The following NDUFAF1 variants were observed in gnomAD, a reference collection of about 807,000 sequenced individuals.
NDUFAF1 encodes the protein NADH:ubiquinone oxidoreductase complex assembly factor 1.
Under a neutral mutation model 28.7 loss-of-function variants are expected in NDUFAF1, and 18 were observed. The observed-to-expected ratio is 0.63, with a 90% CI of 0.43 to 0.93. The LOEUF is 0.93. Among genes scored for constraint, NDUFAF1 ranks in the 40% least tolerant of loss-of-function variants. The pLI, the probability that NDUFAF1 is intolerant of heterozygous loss-of-function variation, is 0.00. For synonymous variants in NDUFAF1, 113 were observed against 139.7 expected, an observed-to-expected ratio of 0.81 and a Z score of 1.35; for missense variants, 404 against 398.3, an observed-to-expected ratio of 1.01 and a Z score of -0.12.
chr15:41,392,645 T>C (rs1408891436), intron 3 of NDUFAF1, among the ~76,000 whole-genome samples: 1 of 152,120 alleles, frequency 6.6e-6, no homozygotes, highest in Non-Finnish European at 1.5e-5. Flanking sequence ...TGTGTTTACT[T>C]CCCCTTCTGC....
At chr15:41,394,274 T>C (rs886415470) in intron 3 of NDUFAF1, 3 of 892,366 alleles carry the variant, frequency 3.4e-6, no homozygotes, top group Non-Finnish European at 4.8e-6. Flanking sequence ...CCTCAAGTGA[T>C]CCGTCCGCCT....
At position 41,396,873 on chromosome 15, in the gene NDUFAF1, G is replaced by C; in HGVS notation, c.187C>G (p.His63Asp). The C allele has an allele frequency of 6.2e-6, 10 of 1,614,130 alleles. No homozygotes were observed. Among genetic ancestry groups the C allele is most frequent in the Non-Finnish European group, 8.5e-6 (10 of 1,180,032 alleles). ...ATATCCAAAGCAACTTCTTTCTGGT[G>C]ATCTCCTTGCAAATCCCCTTCAGTC... ...RKTEGDLQGD[H>D]QKEVALDITS... The change falls in exon 2 of 5, where the codon CAC (histidine) becomes GAC (aspartate). Residue 63 changes from histidine (H) to aspartate (D), a missense_variant. By Grantham distance (81) the His-to-Asp change is moderately conservative (BLOSUM62 -1). Transcript: ENST00000260361.
chr15:41,395,674 T>A (rs1298763676), intron 2 of NDUFAF1, among the ~76,000 whole-genome samples: 1 of 144,472 alleles, frequency 6.9e-6, no homozygotes, highest in Non-Finnish European at 1.5e-5. Context: ...CCGGCCTTTT[T>A]TTTTTTTTTT....
At chr15:41,388,342 G>T in intron 4 of NDUFAF1, 106 bp downstream of exon 4, 2 of 922,548 alleles carry the variant, frequency 2.2e-6, no homozygotes, top group Non-Finnish European at 3.5e-6. Context: ...GTGGCCCTGA[G>T]AAGAAATATT....
chr15:41,393,798 C>G (rs1478670918), intron 3 of NDUFAF1, among the ~76,000 whole-genome samples: 1 of 151,810 alleles, frequency 6.6e-6, no homozygotes, highest in Admixed American at 6.6e-5. Flanking sequence ...GTCTCGATCT[C>G]TTGACCTCGT....
intron 1 of NDUFAF1, 88 bp downstream of exon 1, chr15:41,402,054 CAA>C (rs1331225326): frequency 3.2e-6 from 1 of 313,042 alleles, no homozygotes; most frequent in Admixed American, 3.3e-5. Context: ...ATTAACTGGA[CAA>C]TACCGCCCTG....
intron 2 of NDUFAF1, 101 bp downstream of exon 2, chr15:41,396,386 G>A: frequency 4.4e-6 from 5 of 1,144,762 alleles, no homozygotes; most frequent in Non-Finnish European, 6.3e-6. Flanking sequence ...AACATGCCAG[G>A]TGTTTTCATT....
chr15:41,393,633 G>A (rs549611788), intron 3 of NDUFAF1, among the ~76,000 whole-genome samples: 2 of 141,964 alleles, frequency 1.4e-5, no homozygotes, highest in African/African-American at 5.4e-5. Flanking sequence ...CCAGGCTGGA[G>A]AGCAGTGGCC....
chr15:41,394,952 A>G lies in NDUFAF1; in HGVS notation c.666T>C (p.Asn222=). 1 of 1,614,112 alleles carries G rather than the reference A, an allele frequency of 6.2e-7. No homozygotes were observed. The highest frequency in any genetic ancestry group is 1.1e-5 in the South Asian group (1 of 91,080). The stretch of plus-strand genomic sequence containing the variant: ...GGAAGAAATCTGTGTCCTCCTTGAT[A>G]TTCACCATCCAAGGCCGACCATCCC... The part of the protein sequence containing the change: ...VRGDGRPWMV[N]IKEDTDFFQR... The change falls in exon 3 of 5, where the codon AAT becomes AAC. Residue 222 remains asparagine, a synonymous_variant. Transcript: ENST00000260361.
chr15:41,398,263 G>A (rs1227945172), intron 1 of NDUFAF1, among the ~76,000 whole-genome samples: 3 of 151,118 alleles, frequency 2.0e-5, no homozygotes, highest in Admixed American at 6.6e-5. Context: ...AGGCCGAGGC[G>A]GATGGATCAC....
chr15:41,393,061 G>A (rs1187293105), intron 3 of NDUFAF1, among the ~76,000 whole-genome samples: 1 of 151,720 alleles, frequency 6.6e-6, no homozygotes, highest in Non-Finnish European at 1.5e-5. Context: ...GGGCAAAGGA[G>A]AAGAATTCAG....
intron 1 of NDUFAF1, among the ~76,000 whole-genome samples, chr15:41,399,951 T>A (rs992527466): frequency 4.0e-5 from 6 of 150,016 alleles, no homozygotes; most frequent in African/African-American, 1.5e-4. Context: ...TCCCAGCTAC[T>A]CGGGAGGCTG....
At chr15:41,398,462 C>T (rs990009743) in intron 1 of NDUFAF1, among the ~76,000 whole-genome samples, 1 of 143,472 alleles carries the variant, frequency 7.0e-6, no homozygotes, top group African/African-American at 2.6e-5. Flanking sequence ...CCAGCCTGGA[C>T]AAGAGCAAAA....
At chr15:41,397,231 GTTAAC>G (rs2050402324) in intron 1 of NDUFAF1, 91 bp from the exon 2 acceptor site, 1 of 614,792 alleles carries the variant, frequency 1.6e-6, no homozygotes, top group African/African-American at 1.8e-5. Flanking sequence ...TTTGAAGTTT[GTTAAC>G]TTATTTGTTT....
At chr15:41,394,072 A>C (rs1595405077) in intron 3 of NDUFAF1, 1 of 143,584 alleles carries the variant, frequency 7.0e-6, no homozygotes, top group Admixed American at 1.0e-4. Context: ...CTTGTTGCCC[A>C]GGCTGGAGTG....
chr15:41,397,977 A>G (rs934481734), intron 1 of NDUFAF1, among the ~76,000 whole-genome samples: 5 of 143,450 alleles, frequency 3.5e-5, no homozygotes, highest in African/African-American at 1.3e-4. Context: ...GTGAGCCAAG[A>G]TCGTGCCACT....
At chr15:41,401,542 C>T (rs907982549) in intron 1 of NDUFAF1, among the ~76,000 whole-genome samples, 3 of 151,050 alleles carry the variant, frequency 2.0e-5, no homozygotes, top group African/African-American at 7.3e-5. Flanking sequence ...TCAAGCAATT[C>T]TCTTGCCTCA....
chr15:41,399,721 T>C (rs2140928947), intron 1 of NDUFAF1, among the ~76,000 whole-genome samples: 2 of 150,230 alleles, frequency 1.3e-5, no homozygotes, highest in South Asian at 4.2e-4. Context: ...CCGGGCGTAG[T>C]GGCGGGCGCC....
In NDUFAF1 at chr15:41,399,975, G is replaced by A. The variant is rs571330297; in HGVS notation, c.-82+2169C>T. Among the ~76,000 whole-genome samples, 47 of 151,810 alleles carry A rather than the reference G, an allele frequency of 3.1e-4. 1 individual carries two copies. The highest frequency in any genetic ancestry group is 5.9e-4 in the Admixed American group (9 of 15,186). ...CTCGGGAGGCTGAAGCAGGAAAATC[G>A]CTTGAACCCAGGAGTGGGACGCTGC... On this transcript the variant is annotated intron_variant, in intron 1 of 4. Transcript: ENST00000260361.
Sources: allele counts gnomAD v4.1 joint callset (sites outside exome capture counted in the v4.1 genomes callset), GRCh38; gene constraint gnomAD v4.1.1; transcripts MANE v1.5; gene names NCBI Gene and HGNC (gene_info 2026-07-23, HGNC 2026-07-21).